The following PTPRD variants were observed in gnomAD, a reference collection of about 807,000 sequenced individuals.
PTPRD encodes protein tyrosine phosphatase receptor type D.
Under a neutral mutation model 214.5 loss-of-function variants are expected in PTPRD, and 34 were observed. The ratio of observed to expected loss-of-function variants is 0.16; its 90% CI spans 0.12 to 0.21. The LOEUF is 0.21. PTPRD is among the 10% of genes least tolerant of loss of function. PTPRD has a pLI of 1.00. For missense variants in PTPRD, 2,545 were observed against 2,398.7 expected (o/e 1.06, Z -1.27); for synonymous variants, 1,128 against 845.7 (o/e 1.33, Z -5.79).
At chr9:9,827,456 G>A (rs2053323954) in intron 5 of PTPRD, among the ~76,000 whole-genome samples, 1 of 152,142 alleles carries the variant, frequency 6.6e-6, no homozygotes, top group South Asian at 2.1e-4. Flanking sequence ...CTAGCCATAT[G>A]TAGAAAGCTG....
At chr9:8,788,297 T>C (rs1318787789) in intron 11 of PTPRD, among the ~76,000 whole-genome samples, 8 of 119,400 alleles carry the variant, frequency 6.7e-5, no homozygotes, top group African/African-American at 2.6e-4. Flanking sequence ...GTGTGTGAGA[T>C]GGAGTTTCGC....
chr9:9,100,329 A>C (rs1486302494), intron 10 of PTPRD, among the ~76,000 whole-genome samples: 1 of 152,140 alleles, frequency 6.6e-6, no homozygotes, highest in Non-Finnish European at 1.5e-5. Flanking sequence ...TGGCATCAGA[A>C]TTTATAGAAA....
chr9:10,516,171 T>A (rs991646533), intron 2 of PTPRD, among the ~76,000 whole-genome samples: 3 of 151,942 alleles, frequency 2.0e-5, no homozygotes, highest in African/African-American at 7.2e-5. Flanking sequence ...CACAGTTGTT[T>A]CACATTTTAT....
At chr9:8,863,489 A>G (rs761956966) in intron 11 of PTPRD, among the ~76,000 whole-genome samples, 21 of 152,188 alleles carry the variant, frequency 1.4e-4, no homozygotes, top group Non-Finnish European at 2.6e-4. Context: ...TATTACACTT[A>G]TTTATAATTA....
chr9:10,394,304 T>C (rs2098129538), intron 2 of PTPRD, among the ~76,000 whole-genome samples: 1 of 150,240 alleles, frequency 6.7e-6, no homozygotes, highest in Non-Finnish European at 1.5e-5. Flanking sequence ...AACATACTTC[T>C]TTTGAAAACT....
At chr9:8,880,709 T>C (rs1017566420) in intron 11 of PTPRD, among the ~76,000 whole-genome samples, 1 of 152,134 alleles carries the variant, frequency 6.6e-6, no homozygotes, top group African/African-American at 2.4e-5. Context: ...AACACATTTA[T>C]CCAAGCACAA....
At chr9:9,970,559 A>C (rs1445104151) in intron 4 of PTPRD, among the ~76,000 whole-genome samples, 1 of 152,164 alleles carries the variant, frequency 6.6e-6, no homozygotes, top group Non-Finnish European at 1.5e-5. Context: ...TAGTAGGAAA[A>C]AAAATTGTCC....
intron 4 of PTPRD, among the ~76,000 whole-genome samples, chr9:9,973,364 T>C (rs1009497632): frequency 1.3e-5 from 2 of 151,576 alleles, no homozygotes; most frequent in Non-Finnish European, 2.9e-5. Context: ...CCCAGCTACT[T>C]GGAAGGCTGA....
rs138178572 is a variant in PTPRD, at chr9:9,345,635, G to C, written c.-203+51814C>G. On this transcript the variant is annotated intron_variant, in intron 9 of 45. Transcript: ENST00000381196. ...AAGGTCATCCCATATGGCTAGATTA[G>C]CATTGAGGCTAAAATAATCATGAAT... is the stretch of plus-strand genomic sequence containing the variant. Among the ~76,000 whole-genome samples the C allele has an allele frequency of 3.6e-3, 555 of 152,148 alleles. 3 individuals carry two copies. The highest frequency in any genetic ancestry group is 0.013 in the African/African-American group (542 of 41,522).
chr9:9,437,537 G>A (rs889738850), intron 8 of PTPRD, among the ~76,000 whole-genome samples: 2 of 151,964 alleles, frequency 1.3e-5, no homozygotes, highest in Non-Finnish European at 2.9e-5. Flanking sequence ...CTATTATCTG[G>A]CAGATTTTTC....
At chr9:10,372,877 T>A (rs2097655805) in intron 2 of PTPRD, among the ~76,000 whole-genome samples, 1 of 150,614 alleles carries the variant, frequency 6.6e-6, no homozygotes, top group Admixed American at 6.6e-5. Context: ...TGAGATGTAG[T>A]CTTGCTCTAT....
chr9:10,153,693 C>T lies in PTPRD; in HGVS notation c.-544-119903G>A, dbSNP rs972016135. On this transcript the variant is annotated intron_variant, in intron 3 of 45. Coordinates refer to ENST00000381196, the MANE Select transcript of PTPRD (RefSeq NM_002839.4). ...TTTTTCCTAATTCTTTCTCTCCCAC[C>T]CTTCACCCTCTGGGAGGTAACAGTG... 4.3e-4 allele frequency among the ~76,000 whole-genome samples: 65 copies of T among 152,042 alleles called. 2 individuals carry two copies. Among genetic ancestry groups the T allele is most frequent in the Non-Finnish European group, 2.9e-5 (2 of 68,012 alleles).
intron 2 of PTPRD, among the ~76,000 whole-genome samples, chr9:10,549,330 G>C (rs1489547821): frequency 7.9e-5 from 12 of 152,228 alleles, no homozygotes; most frequent in Non-Finnish European, 1.0e-4. Flanking sequence ...AGAATCTAGA[G>C]TTTCAGGAGT....
At chr9:9,917,547 C>CA (rs574956994) in intron 5 of PTPRD, among the ~76,000 whole-genome samples, 3 of 150,256 alleles carry the variant, frequency 2.0e-5, no homozygotes, top group South Asian at 2.1e-4. Flanking sequence ...CAAGCTATTC[C>CA]AAAAAAATGA....
chr9:8,723,052 A>G (rs1056805859), intron 12 of PTPRD, among the ~76,000 whole-genome samples: 3 of 152,176 alleles, frequency 2.0e-5, no homozygotes, highest in Non-Finnish European at 4.4e-5. Flanking sequence ...TTTAATAAAT[A>G]GATGTCCCAA....
At chr9:8,737,014 T>C (rs1222087306) in intron 11 of PTPRD, among the ~76,000 whole-genome samples, 8 of 152,196 alleles carry the variant, frequency 5.3e-5, no homozygotes, top group Admixed American at 2.6e-4. Flanking sequence ...AATTTGTGTC[T>C]GTGCAAGCGT....
chr9:8,831,909 G>A (rs2097300024), intron 11 of PTPRD, among the ~76,000 whole-genome samples: 1 of 98,344 alleles, frequency 1.0e-5, no homozygotes, highest in Admixed American at 8.8e-5. Context: ...CTCCTTTAGT[G>A]CTTTTTTTGA....
chr9:10,558,680 C>CT (rs1005578932), intron 2 of PTPRD, among the ~76,000 whole-genome samples: 3 of 152,094 alleles, frequency 2.0e-5, no homozygotes, highest in African/African-American at 7.2e-5. Flanking sequence ...GGGGGAGTTT[C>CT]TTTTTTATTT....
chr9:9,564,532 T>C (rs962047521), intron 8 of PTPRD, among the ~76,000 whole-genome samples: 3 of 152,070 alleles, frequency 2.0e-5, no homozygotes, highest in Admixed American at 1.3e-4. Context: ...TTTATCAGAT[T>C]TACTAGATGA....
Sources: allele counts gnomAD v4.1 joint callset (sites outside exome capture counted in the v4.1 genomes callset), GRCh38; gene constraint gnomAD v4.1.1; transcripts MANE v1.5; gene names NCBI Gene and HGNC (gene_info 2026-07-23, HGNC 2026-07-21).